STT3B: variants seen among roughly 807,000 people sequenced by gnomAD.
STT3B encodes STT3 oligosaccharyltransferase complex catalytic subunit B, also known as dolichyl-diphosphooligosaccharide--protein glycosyltransferase subunit STT3B.
A neutral mutation model predicts 96.8 loss-of-function variants in STT3B; 29 were observed. The observed-to-expected ratio is 0.30, with a 90% CI of 0.22 to 0.41. STT3B has a LOEUF of 0.41. Among genes scored for constraint, STT3B ranks in the 10% least tolerant of loss-of-function variants. The pLI is 1.00. For missense variants in STT3B, 640 were observed against 1,022.3 expected, an observed-to-expected ratio of 0.63 and a Z score of 5.10; for synonymous variants, 367 against 360.0, an observed-to-expected ratio of 1.02 and a Z score of -0.22.
At position 31,533,158 on chromosome 3, in the gene STT3B, G is replaced by T; in HGVS notation, c.160G>T (p.Ala54Ser). Residue 54 changes from alanine to serine, a missense_variant, in exon 1 of 16, where the codon GCC becomes TCC. Around this residue, in one of 8 missense-constraint regions of STT3B, gnomAD observed 89 missense variants for 81.7 expected, o/e 1.09. Transcript: ENST00000295770. ...GGGCGGCGCGGCGCCGCCGAAGCCG[G>T]CCCCGGCGGGGCTGTCCGGGGGGCT... ...AAGGAAPPKP[A>S]PAGLSGGLSQ... 7.7e-7 allele frequency: 1 copy of T among 1,300,758 alleles called. No individual in the cohort carries two copies. Among genetic ancestry groups the T allele is most frequent in the Non-Finnish European group, 9.8e-7 (1 of 1,023,838 alleles). The allele number at this position is 1,300,758 out of a possible 1,614,324, so 80.6% of individuals were successfully genotyped here.
chr3:31,617,192 T>C (rs553141658), intron 7 of STT3B, 117 bp downstream of exon 7: 2 of 817,936 alleles, frequency 2.4e-6, no homozygotes, highest in Middle Eastern at 4.1e-4. Flanking sequence ...TTTTCTTTTT[T>C]TTTTTTTTTG....
chr3:31,612,400 A>G (rs1253485380), intron 5 of STT3B, among the ~76,000 whole-genome samples: 1 of 152,192 alleles, frequency 6.6e-6, no homozygotes, highest in Admixed American at 6.5e-5. Context: ...TCAGATTTGT[A>G]CCATTGGTGC....
chr3:31,556,133 C>T (rs1697705460), intron 1 of STT3B, among the ~76,000 whole-genome samples: 1 of 151,716 alleles, frequency 6.6e-6, no homozygotes, highest in Admixed American at 6.6e-5. Context: ...TCCGTTCCCA[C>T]GAATGAGTGA....
At chr3:31,593,300 T>A (rs1027599590) in intron 3 of STT3B, among the ~76,000 whole-genome samples, 2 of 151,960 alleles carry the variant, frequency 1.3e-5, no homozygotes, top group African/African-American at 4.8e-5. Context: ...TCTGTCAAAA[T>A]TTTTTTTTCT....
chr3:31,552,705 G>A (rs944276315), intron 1 of STT3B, among the ~76,000 whole-genome samples: 8 of 152,168 alleles, frequency 5.3e-5, no homozygotes, highest in Non-Finnish European at 1.2e-4. Flanking sequence ...GATGTCAGTT[G>A]TAGAAGCCAT....
intron 1 of STT3B, among the ~76,000 whole-genome samples, chr3:31,564,082 A>C (rs1697943533): frequency 6.6e-6 from 1 of 152,210 alleles, no homozygotes; most frequent in South Asian, 2.1e-4. Flanking sequence ...TCCCTGAATG[A>C]AAATTTAATT....
At chr3:31,560,632 G>C (rs1200831097) in intron 1 of STT3B, among the ~76,000 whole-genome samples, 2 of 151,922 alleles carry the variant, frequency 1.3e-5, no homozygotes, top group Non-Finnish European at 2.9e-5. Flanking sequence ...AGTCTTATGG[G>C]GGTTTCTTTA....
intron 3 of STT3B, among the ~76,000 whole-genome samples, chr3:31,591,802 A>G (rs946685577): frequency 6.6e-6 from 1 of 152,082 alleles, no homozygotes; most frequent in African/African-American, 2.4e-5. Context: ...CATATTTACC[A>G]TTTCCAGTAT....
At chr3:31,615,804 AAAC>A (rs1473925920) in intron 6 of STT3B, among the ~76,000 whole-genome samples, 2 of 151,946 alleles carry the variant, frequency 1.3e-5, no homozygotes. Flanking sequence ...GGACTTTTAA[AAAC>A]AACCCTTAAA....
At chr3:31,604,967 T>C (rs1699014909) in intron 5 of STT3B, among the ~76,000 whole-genome samples, 1 of 152,194 alleles carries the variant, frequency 6.6e-6, no homozygotes, top group African/African-American at 2.4e-5. Flanking sequence ...CAAATAAAGA[T>C]AATAATAGTT....
chr3:31,598,669 GCTTTT>G (rs1405374235), intron 4 of STT3B, among the ~76,000 whole-genome samples: 2 of 152,116 alleles, frequency 1.3e-5, no homozygotes, highest in Admixed American at 1.3e-4. Flanking sequence ...ACTGGTTTCA[GCTTTT>G]CTTTGTTCTT....
chr3:31,561,610 C>A lies in STT3B; in HGVS notation c.315-14786C>A, dbSNP rs547384420. On this transcript the variant is annotated intron_variant, in intron 1 of 15. Transcript: ENST00000295770. Reference sequence around the variant, plus strand: ...TTCCCAGCCCCTGTTAACCATCTTTCTACTCCCTGTGTCCATGAGTTTGTT... The same window carrying A: ...TTCCCAGCCCCTGTTAACCATCTTTATACTCCCTGTGTCCATGAGTTTGTT... Among the ~76,000 whole-genome samples the A allele has an allele frequency of 2.0e-5, 3 of 152,208 alleles. No individual in the cohort carries two copies. The South Asian group carries it at 6.2e-4, about 32-fold the overall frequency.
intron 13 of STT3B, among the ~76,000 whole-genome samples, chr3:31,628,526 T>C (rs73826817): frequency 0.03 from 4,505 of 152,262 alleles, 219 homozygotes; most frequent in African/African-American, 0.1. Context: ...TACAAGTATC[T>C]CTGTAGCGTT....
intron 5 of STT3B, among the ~76,000 whole-genome samples, chr3:31,604,759 G>C (rs2125465780): frequency 6.6e-6 from 1 of 152,268 alleles, no homozygotes; most frequent in South Asian, 2.1e-4. Context: ...TCTTGATCTT[G>C]AGAAGAGAGA....
intron 1 of STT3B, among the ~76,000 whole-genome samples, chr3:31,558,637 G>A (rs190974096): frequency 3.4e-4 from 51 of 152,220 alleles, no homozygotes; most frequent in African/African-American, 1.1e-3. Context: ...TTAGCCAGTT[G>A]TAGTATCCTT....
chr3:31,631,916 T>C (rs1699671602), intron 14 of STT3B, among the ~76,000 whole-genome samples: 1 of 151,980 alleles, frequency 6.6e-6, no homozygotes, highest in Non-Finnish European at 1.5e-5. Context: ...AGTACAGTGG[T>C]GCAATCATGG....
At chr3:31,557,374 AT>A (rs1489079425) in intron 1 of STT3B, among the ~76,000 whole-genome samples, 4 of 151,934 alleles carry the variant, frequency 2.6e-5, no homozygotes, top group Non-Finnish European at 4.4e-5. Flanking sequence ...TTCTTTATTA[AT>A]TTCAGGACTG....
chr3:31,559,184 T>C (rs1436099151), intron 1 of STT3B, among the ~76,000 whole-genome samples: 1 of 132,642 alleles, frequency 7.5e-6, no homozygotes, highest in Non-Finnish European at 1.6e-5. Context: ...TGTGTGTGTG[T>C]GTGTGTTGTC....
chr3:31,576,748 G>A (rs1045819431), intron 2 of STT3B, among the ~76,000 whole-genome samples: 3 of 152,050 alleles, frequency 2.0e-5, no homozygotes, highest in Non-Finnish European at 2.9e-5. Context: ...GAGGCTGGGT[G>A]GGGATCTGCT....
Sources: gnomAD v4.1 joint callset for allele counts (sites outside exome capture counted in the v4.1 genomes callset) on GRCh38, gnomAD v4.1.1 for gene constraint, gnomAD v4.1.1 regional missense constraint, MANE v1.5 for transcripts, NCBI Gene and HGNC (gene_info 2026-07-23, HGNC 2026-07-21) for gene names.